ADAM7: variants seen among roughly 807,000 people sequenced by gnomAD.
ADAM7 encodes disintegrin and metalloproteinase domain-containing protein 7.
In ADAM7, 97 loss-of-function variants were observed where a neutral mutation model predicts 102.9. The ratio of observed to expected loss-of-function variants is 0.94; its 90% CI spans 0.80 to 1.12. The LOEUF (loss-of-function observed/expected upper bound fraction) is 1.12, where lower values mean the gene tolerates loss of function less well. Ranked by LOEUF, ADAM7 falls within the 50% of genes most tolerant of loss-of-function variation. The probability of loss-of-function intolerance (pLI) is 0.00; values close to 1 mark genes in which losing one functional copy is unlikely to be tolerated. For missense variants in ADAM7, 991 were observed against 908.7 expected, an observed-to-expected ratio of 1.09 and a Z score of -1.16; for synonymous variants, 334 against 304.4, an observed-to-expected ratio of 1.10 and a Z score of -1.01.
At chr8:24,457,997 C>A (rs913736431) in intron 3 of ADAM7, among the ~76,000 whole-genome samples, 6 of 151,938 alleles carry the variant, frequency 3.9e-5, no homozygotes, top group African/African-American at 1.5e-4. Flanking sequence ...ACTTTGGCAC[C>A]TTCGGCCAAA....
rs527573696 is a variant in ADAM7 at position 24,493,960 on chromosome 8, G to T, written c.1842+731G>T. ...GAGAAGACAGAATGGGTCCAAATTG[G>T]AAAGAGTTTTTTATGGCAAGATGAC... On this transcript the variant is annotated intron_variant, in intron 16 of 21. Transcript: ENST00000175238. Among the ~76,000 whole-genome samples, 428 of 152,270 alleles carry T rather than the reference G, an allele frequency of 2.8e-3. 6 individuals are homozygous for T. The highest frequency in any genetic ancestry group is 4.3e-3 in the Non-Finnish European group (293 of 68,026).
intron 3 of ADAM7, among the ~76,000 whole-genome samples, chr8:24,461,260 C>T (rs781081985): frequency 1.4e-4 from 21 of 152,052 alleles, no homozygotes; most frequent in African/African-American, 4.8e-4. Flanking sequence ...CCAAAGTGTT[C>T]GGATTACAGG....
In ADAM7 at chr8:24,463,918, C is replaced by T. The variant is rs776799762; in HGVS notation, c.270C>T (p.Tyr90=). 16 of 1,613,718 alleles carry T rather than the reference C, an allele frequency of 9.9e-6. No homozygotes were observed. The highest frequency in any genetic ancestry group is 1.3e-5 in the Non-Finnish European group (15 of 1,179,868). ...GCTCAAATTACAGTGAAACATTCTA[C>T]TCCATGAAAGGAGAAGCGTTCACCA... ...FLGSNYSETF[Y]SMKGEAFTRH... Residue 90 remains tyrosine, a synonymous_variant, in exon 4 of 22, where the codon TAC becomes TAT. Coordinates refer to ENST00000175238, the MANE Select transcript of ADAM7 (RefSeq NM_003817.4).
rs769811091 is a variant in ADAM7 at position 24,493,019 on chromosome 8, T to G, written c.1656-24T>G. ...AAAAGTTGTATTTCTAGTTCCAAGT[T>G]TGAATATTCTGCCTTTCCTTCAGAG... On this transcript the variant is annotated intron_variant, in intron 15 of 21. Coordinates refer to ENST00000175238, the MANE Select transcript of ADAM7 (RefSeq NM_003817.4). The G allele has an allele frequency of 3.9e-6, 6 of 1,546,104 alleles. No individual in the cohort carries two copies. The Admixed American group carries it at 1.3e-4, about 34-fold the overall frequency.
At chr8:24,490,313 A>C (rs1382483015) in intron 12 of ADAM7, 1 of 153,332 alleles carries the variant, frequency 6.5e-6, no homozygotes, top group East Asian at 1.9e-4. Flanking sequence ...TTATCCGGCC[A>C]CACTCCATTT....
chr8:24,496,024 T>G (rs559531381), intron 16 of ADAM7, among the ~76,000 whole-genome samples: 108 of 152,294 alleles, frequency 7.1e-4, no homozygotes, highest in African/African-American at 2.3e-3. Flanking sequence ...CACAGGCCCA[T>G]AGGCCTAGGA....
At chr8:24,492,202 G>A in intron 14 of ADAM7, 104 bp downstream of exon 14, 4 of 1,152,062 alleles carry the variant, frequency 3.5e-6, no homozygotes, top group African/African-American at 1.5e-5. Context: ...GTCATTTGTG[G>A]CATTATTCCA....
At chr8:24,456,884 T>C (rs11996280) in intron 3 of ADAM7, among the ~76,000 whole-genome samples, 1,682 of 152,336 alleles carry the variant, frequency 0.011, 25 homozygotes, top group African/African-American at 0.038. Context: ...TTTCAGTGTT[T>C]GGCTATCATT....
rs200899011 is a variant in ADAM7, at chr8:24,490,756, A to T, written c.1267-43A>T. 4.0e-5 allele frequency: 63 copies of T among 1,579,656 alleles called. No individual in the cohort carries two copies. In the East Asian group the frequency reaches 1.3e-3, roughly 33 times the overall value. Reference sequence around the variant, plus strand: ...AATTAATTCTTCAAACAGGAGTCAGAGTACATACCAATTTCTCATCTCTCT... The same window carrying T: ...AATTAATTCTTCAAACAGGAGTCAGTGTACATACCAATTTCTCATCTCTCT... On this transcript the variant is annotated intron_variant, in intron 12 of 21. Coordinates refer to ENST00000175238, the MANE Select transcript of ADAM7 (RefSeq NM_003817.4).
At position 24,491,976 on chromosome 8, in the gene ADAM7, C is replaced by A. The variant is rs149854879; in HGVS notation, c.1430C>A (p.Ser477Ter). ...TTTCCTGAGATGTGCACTGGCCACT[C>A]GCCTGCCTGTCCTAAGGACCAGTTC... ...CDFPEMCTGH[S>*]PACPKDQFRV... The change falls in exon 14 of 22, where the codon TCG (serine) becomes TAG (stop). Residue 477 changes from serine to a stop codon, truncating the protein, a stop_gained. Transcript: ENST00000175238. LOFTEE classifies it high-confidence loss of function. The A allele has an allele frequency of 6.2e-7, 1 of 1,613,902 alleles. No homozygotes were observed. The highest frequency in any genetic ancestry group is 2.2e-5 in the East Asian group (1 of 44,864).
chr8:24,448,573 G>A (rs1818653180), intron 3 of ADAM7, among the ~76,000 whole-genome samples: 1 of 152,074 alleles, frequency 6.6e-6, no homozygotes, highest in African/African-American at 2.4e-5. Flanking sequence ...AACAGAAACT[G>A]ATCTTATTAA....
chr8:24,451,170 GAGTT>G (rs1316877393), intron 3 of ADAM7, among the ~76,000 whole-genome samples: 1 of 151,856 alleles, frequency 6.6e-6, no homozygotes, highest in African/African-American at 2.4e-5. Context: ...CTCATAAAAT[GAGTT>G]AGGGAGGATT....
Position 24,450,120 on chromosome 8 carries a change from C to T in ADAM7, c.233+2858C>T, listed in dbSNP as rs574704035. ...CTTTGTTCTTTTGGCTTAGGATTGACTTGGCGATGCGGGCTCTTTTTTGGT... is the reference window on the plus strand; with the variant it reads ...CTTTGTTCTTTTGGCTTAGGATTGATTTGGCGATGCGGGCTCTTTTTTGGT... On this transcript the variant is annotated intron_variant, in intron 3 of 21. Transcript: ENST00000175238. Among the ~76,000 whole-genome samples the T allele has an allele frequency of 5.9e-5, 9 of 152,222 alleles. No homozygotes were observed. In the East Asian group the frequency reaches 9.7e-4, roughly 16 times the overall value.
chr8:24,496,124 A>C (rs898469956), intron 16 of ADAM7, among the ~76,000 whole-genome samples: 2 of 152,178 alleles, frequency 1.3e-5, no homozygotes, highest in African/African-American at 4.8e-5. Context: ...TCCAGCTGGG[A>C]CTAAAAGGCT....
At chr8:24,504,297 G>A (rs1820873058) in intron 20 of ADAM7, among the ~76,000 whole-genome samples, 1 of 151,996 alleles carries the variant, frequency 6.6e-6, no homozygotes, top group Non-Finnish European at 1.5e-5. Flanking sequence ...GAGCCCAGGA[G>A]ATCCAGACTG....
chr8:24,443,103 G>C (rs754822379), intron 2 of ADAM7, among the ~76,000 whole-genome samples: 11 of 152,148 alleles, frequency 7.2e-5, no homozygotes, highest in Non-Finnish European at 1.6e-4. Context: ...GAGGGAACAG[G>C]CTTGAAAATT....
At position 24,501,546 on chromosome 8, in the gene ADAM7, G is replaced by C. The variant is rs763419936; in HGVS notation, c.2178G>C (p.Glu726Asp). The change falls in exon 20 of 22, where the codon GAG (glutamate) becomes GAC (aspartate). Residue 726 changes from glutamate (E) to aspartate (D), a missense_variant. Coordinates refer to ENST00000175238, the MANE Select transcript of ADAM7 (RefSeq NM_003817.4). ...YFGDEQQIRT[E>D]PILPEIHFLN... ...GTGATGAGCAGCAGATAAGGACTGA[G>C]CCAATCCTGCCAGAAATTCATTTCC... The C allele has an allele frequency of 1.2e-6, 2 of 1,603,076 alleles. No individual in the cohort carries two copies. The highest frequency in any genetic ancestry group is 1.7e-6 in the Non-Finnish European group (2 of 1,176,664).
At chr8:24,487,343 A>G in intron 11 of ADAM7, 26 bp downstream of exon 11, 3 of 1,608,970 alleles carry the variant, frequency 1.9e-6, no homozygotes, top group Non-Finnish European at 2.5e-6. Flanking sequence ...TGTACAGAAT[A>G]CACTTACATA....
chr8:24,490,909 A>G, intron 13 of ADAM7, 21 bp downstream of exon 13: 1 of 1,608,852 alleles, frequency 6.2e-7, no homozygotes, highest in Middle Eastern at 1.7e-4. Flanking sequence ...GTGCCAGGAG[A>G]AGGTTTTTTT....
Sources: gnomAD v4.1 joint callset for allele counts (sites outside exome capture counted in the v4.1 genomes callset) on GRCh38, gnomAD v4.1.1 for gene constraint, MANE v1.5 for transcripts, NCBI Gene and HGNC (gene_info 2026-07-23, HGNC 2026-07-21) for gene names.